ACCSL: variants seen among roughly 807,000 people sequenced by gnomAD.
The protein encoded by ACCSL is 1-aminocyclopropane-1-carboxylate synthase homolog (inactive) like, also known as probable inactive 1-aminocyclopropane-1-carboxylate synthase-like protein 2.
Under a neutral mutation model 61.7 loss-of-function variants are expected in ACCSL, and 55 were observed. That is an observed-to-expected ratio of 0.89 (90% CI 0.72 to 1.12). ACCSL has a LOEUF of 1.12. Ranked by LOEUF, ACCSL falls within the 50% of genes most tolerant of loss-of-function variation. The probability of loss-of-function intolerance (pLI) is 0.00; values close to 1 mark genes in which losing one functional copy is unlikely to be tolerated. For missense variants in ACCSL, 632 were observed against 698.0 expected (o/e 0.91, Z 1.07); for synonymous variants, 258 against 264.3 (o/e 0.98, Z 0.23).
the ACCSL span, among the ~76,000 whole-genome samples, chr11:44,027,179 A>T: frequency 2.7e-4 from 41 of 152,312 alleles, no homozygotes; most frequent in Admixed American, 8.5e-4. Context: ...TTTTGTGTTC[A>T]TTGGGGCATG....
At chr11:43,944,042 GC>G in the ACCSL span, 5 of 404,196 alleles carry the variant, frequency 1.2e-5, no homozygotes, top group Non-Finnish European at 2.2e-5. Context: ...CCACCGGTGC[GC>G]GGGTCGGTTG....
At chr11:44,015,400 A>G in the ACCSL span, among the ~76,000 whole-genome samples, 4 of 152,160 alleles carry the variant, frequency 2.6e-5, no homozygotes, top group Non-Finnish European at 5.9e-5. Context: ...CTGACATTGC[A>G]TTGCCTCCCA....
chr11:44,024,294 C>A, the ACCSL span, among the ~76,000 whole-genome samples: 1 of 152,156 alleles, frequency 6.6e-6, no homozygotes, highest in Non-Finnish European at 1.5e-5. Flanking sequence ...TGGACTCAAT[C>A]TGGAACTATA....
the ACCSL span, among the ~76,000 whole-genome samples, chr11:43,962,616 G>C: frequency 2.0e-5 from 3 of 152,210 alleles, no homozygotes; most frequent in African/African-American, 4.8e-5. Context: ...TAAGGGCATT[G>C]CTTCTCTTTT....
chr11:43,957,602 G>C, the ACCSL span, among the ~76,000 whole-genome samples: 1 of 152,170 alleles, frequency 6.6e-6, no homozygotes, highest in Non-Finnish European at 1.5e-5. Context: ...CACAACATCA[G>C]ACAGTTTGCA....
chr11:44,019,852 A>C, the ACCSL span, among the ~76,000 whole-genome samples: 1 of 152,196 alleles, frequency 6.6e-6, no homozygotes, highest in Non-Finnish European at 1.5e-5. Flanking sequence ...ATCTACTTCT[A>C]TGTTTTTCTC....
chr11:44,019,973 T>C, the ACCSL span, among the ~76,000 whole-genome samples: 1 of 152,220 alleles, frequency 6.6e-6, no homozygotes, highest in African/African-American at 2.4e-5. Flanking sequence ...CATGTGGATA[T>C]CCACTTGTCT....
At chr11:43,960,091 C>A in the ACCSL span, among the ~76,000 whole-genome samples, 1 of 152,116 alleles carries the variant, frequency 6.6e-6, no homozygotes, top group Admixed American at 6.5e-5. Context: ...GACAGTGCTA[C>A]CCACTTCCAC....
At chr11:43,943,526 A>G in the ACCSL span, 2 of 1,332,602 alleles carry the variant, frequency 1.5e-6, no homozygotes, top group South Asian at 1.2e-5. This position sits in a 1 kb window ranked among gnomAD's most constrained non-coding sequence, Gnocchi z 4.8. Context: ...AACTCTTCCC[A>G]GTGCGAACTC....
chr11:43,923,583 A>G, the ACCSL span, among the ~76,000 whole-genome samples: 1 of 152,130 alleles, frequency 6.6e-6, no homozygotes, highest in Non-Finnish European at 1.5e-5. Flanking sequence ...CCATTCTTAG[A>G]TGTGATTCCT....
the ACCSL span, among the ~76,000 whole-genome samples, chr11:43,965,281 G>A: frequency 2.0e-5 from 3 of 151,436 alleles, no homozygotes; most frequent in Non-Finnish European, 3.0e-5. Context: ...CATACAAAAA[G>A]CAGTTGAATT....
At chr11:44,057,586 GA>G (rs1463563649) in intron 11 of ACCSL, among the ~76,000 whole-genome samples, 1 of 152,202 alleles carries the variant, frequency 6.6e-6, no homozygotes, top group Admixed American at 6.5e-5. Flanking sequence ...TCTGTTCTAT[GA>G]ATGCAGAGGG....
intron 11 of ACCSL, among the ~76,000 whole-genome samples, chr11:44,056,979 T>TC (rs1952675710): frequency 6.6e-6 from 1 of 152,238 alleles, no homozygotes; most frequent in South Asian, 2.1e-4. Context: ...ATATAGATTT[T>TC]CCCTCCCCAA....
At chr11:43,927,753 G>A in the ACCSL span, among the ~76,000 whole-genome samples, 2 of 152,216 alleles carry the variant, frequency 1.3e-5, no homozygotes, top group African/African-American at 2.4e-5. Context: ...TGCCAGTGGT[G>A]TTTGAGCAGA....
the ACCSL span, among the ~76,000 whole-genome samples, chr11:44,034,103 A>G: frequency 0.84 from 127,291 of 151,808 alleles, 53,513 homozygotes; most frequent in African/African-American, 0.89. Context: ...ATGATTCTCC[A>G]TCTTTGGGGG....
the ACCSL span, among the ~76,000 whole-genome samples, chr11:43,938,609 G>C: frequency 6.6e-6 from 1 of 152,116 alleles, no homozygotes; most frequent in African/African-American, 2.4e-5. Context: ...TTTGAGACCA[G>C]CCTGGCCAAC....
chr11:43,966,133 T>C, the ACCSL span, among the ~76,000 whole-genome samples: 7 of 152,064 alleles, frequency 4.6e-5, no homozygotes, highest in African/African-American at 7.2e-5. Flanking sequence ...TTCATCAAAA[T>C]TGAAAATTTT....
At position 44,048,444 on chromosome 11, in the gene ACCSL, C is replaced by T. The variant is rs770267749; in HGVS notation, c.408C>T (p.Ser136=). 19 of 1,613,756 alleles carry T rather than the reference C, an allele frequency of 1.2e-5. No homozygotes were observed. The highest frequency in any genetic ancestry group is 2.7e-5 in the African/African-American group (2 of 74,810). The change falls in exon 1 of 14, where the codon TCC becomes TCT. Residue 136 remains serine, a synonymous_variant. Coordinates refer to ENST00000378832, the MANE Select transcript of ACCSL (RefSeq NM_001031854.2). ...CEAAFVNRDL[S]IRGIDISVFY... ...CTGCCTTTGTCAACCGCGACCTATC[C>T]ATCCGTGGGATTGACATCTCTGTCT...
chr11:43,926,020 C>T, the ACCSL span, among the ~76,000 whole-genome samples: 15 of 152,296 alleles, frequency 9.8e-5, 1 homozygote, highest in East Asian at 2.5e-3. Context: ...CTGCCTTTCC[C>T]CTTGGCAGGC....
Sources: gnomAD v4.1 joint callset for allele counts (sites outside exome capture counted in the v4.1 genomes callset) on GRCh38, gnomAD v4.1.1 for gene constraint, Gnocchi (gnomAD v3.1) non-coding constraint, MANE v1.5 for transcripts, NCBI Gene and HGNC (gene_info 2026-07-23, HGNC 2026-07-21) for gene names.